NBEA: variants seen among roughly 807,000 people sequenced by gnomAD.
NBEA encodes neurobeachin.
Under a neutral mutation model 343.4 loss-of-function variants are expected in NBEA, and 44 were observed. The ratio of observed to expected loss-of-function variants is 0.13; its 90% CI spans 0.10 to 0.16. NBEA has a LOEUF of 0.16. Ranked by LOEUF, NBEA falls within the 10% of genes least tolerant of loss-of-function variation. The pLI is 1.00. For synonymous variants in NBEA, 1,175 were observed against 1,238.7 expected, an observed-to-expected ratio of 0.95 and a Z score of 1.08; for missense variants, 2,555 against 3,631.3, an observed-to-expected ratio of 0.70 and a Z score of 7.62.
intron 11 of NBEA, among the ~76,000 whole-genome samples, chr13:35,108,384 G>A (rs1253097964): frequency 1.3e-5 from 2 of 151,850 alleles, no homozygotes; most frequent in Non-Finnish European, 2.9e-5. Flanking sequence ...ATCTGAAATT[G>A]TATTCTAGTA....
chr13:35,355,333 T>C (rs912607844), intron 38 of NBEA, among the ~76,000 whole-genome samples: 2 of 152,172 alleles, frequency 1.3e-5, no homozygotes, highest in Non-Finnish European at 2.9e-5. Context: ...TATTAAAATG[T>C]AGATCCCTCT....
chr13:35,370,150 A>G (rs1227027690), intron 38 of NBEA, among the ~76,000 whole-genome samples: 1 of 151,956 alleles, frequency 6.6e-6, no homozygotes, highest in African/African-American at 2.4e-5. Context: ...CTGTTACTCA[A>G]CTGGAGTCTA....
intron 24 of NBEA, 71 bp downstream of exon 24, chr13:35,164,580 A>G (rs2069843105): frequency 6.8e-7 from 1 of 1,475,560 alleles, no homozygotes; most frequent in Non-Finnish European, 9.2e-7. Context: ...GTGGTGGTCT[A>G]GGCTATAAAC....
At chr13:34,988,342 A>G (rs1225566254) in intron 1 of NBEA, among the ~76,000 whole-genome samples, 2 of 151,074 alleles carry the variant, frequency 1.3e-5, no homozygotes, top group Non-Finnish European at 3.0e-5. Context: ...TCAGATAGGG[A>G]CGTTTAAGTC....
At chr13:35,153,536 A>G (rs1349267429) in intron 18 of NBEA, among the ~76,000 whole-genome samples, 2 of 152,232 alleles carry the variant, frequency 1.3e-5, no homozygotes, top group African/African-American at 4.8e-5. Flanking sequence ...GTTTCTGAGT[A>G]TATGTTTGTC....
rs549275529 is a variant in NBEA at position 35,312,418 on chromosome 13, T to C, written c.5903+2826T>C. Reference sequence around the variant, plus strand: ...CAGAGGACTAGCGGCAAGAGAATAGTGAGACATGTTACTGGAGAGCTATTT... The same window carrying C: ...CAGAGGACTAGCGGCAAGAGAATAGCGAGACATGTTACTGGAGAGCTATTT... On this transcript the variant is annotated intron_variant, in intron 36 of 58. Transcript: ENST00000379939. Among the ~76,000 whole-genome samples, 308 of 152,240 alleles carry C rather than the reference T, an allele frequency of 2.0e-3. 1 individual carries two copies. Among genetic ancestry groups the C allele is most frequent in the African/African-American group, 7.1e-3 (296 of 41,542 alleles).
intron 17 of NBEA, among the ~76,000 whole-genome samples, chr13:35,130,368 C>T (rs2067350481): frequency 6.6e-6 from 1 of 151,644 alleles, no homozygotes; most frequent in Non-Finnish European, 1.5e-5. Context: ...TTTTTTATGT[C>T]ATATATTTTT....
At chr13:35,036,555 C>T (rs555441304) in intron 1 of NBEA, among the ~76,000 whole-genome samples, 281 of 152,120 alleles carry the variant, frequency 1.8e-3, no homozygotes, top group Admixed American at 4.2e-3. Flanking sequence ...GATTGAAGTA[C>T]CCCCTTTAGC....
chr13:35,572,359 A>G (rs2080475785), intron 45 of NBEA, among the ~76,000 whole-genome samples: 1 of 152,214 alleles, frequency 6.6e-6, no homozygotes, highest in African/African-American at 2.4e-5. Context: ...CCCTCTGATA[A>G]GTGAAATAGT....
rs2061022789 is a variant in NBEA, at chr13:34,998,729, C to T, written c.295-42204C>T. ...ATTGCTGTTATCCTGTTCTTTTTTTCAAGATGCTCAGATTTCATATTGTTC... is the reference window on the plus strand; with the variant it reads ...ATTGCTGTTATCCTGTTCTTTTTTTTAAGATGCTCAGATTTCATATTGTTC... On this transcript the variant is annotated intron_variant, in intron 1 of 58. Transcript: ENST00000379939. Among the ~76,000 whole-genome samples the T allele has an allele frequency of 2.0e-5, 3 of 152,058 alleles. No homozygotes were observed. In the South Asian group the frequency reaches 6.2e-4, roughly 32 times the overall value.
intron 38 of NBEA, among the ~76,000 whole-genome samples, chr13:35,364,133 A>G (rs1047870325): frequency 4.6e-5 from 7 of 151,910 alleles, no homozygotes; most frequent in African/African-American, 1.7e-4. Flanking sequence ...TATCCAAAAC[A>G]TATTTCTCTT....
At chr13:35,129,277 T>C (rs1238981430) in intron 17 of NBEA, among the ~76,000 whole-genome samples, 2 of 152,088 alleles carry the variant, frequency 1.3e-5, no homozygotes, top group African/African-American at 4.8e-5. Flanking sequence ...TTTGATCTAC[T>C]AAAAACTTAG....
chr13:35,106,886 TA>T (rs1211469914), intron 11 of NBEA, among the ~76,000 whole-genome samples: 1 of 151,874 alleles, frequency 6.6e-6, no homozygotes, highest in Non-Finnish European at 1.5e-5. Flanking sequence ...GATATGTTTA[TA>T]ATGGTCAGCC....
At chr13:35,007,609 G>A (rs1566154543) in intron 1 of NBEA, among the ~76,000 whole-genome samples, 2 of 151,910 alleles carry the variant, frequency 1.3e-5, no homozygotes, top group African/African-American at 4.8e-5. Context: ...CTCCTGCAGC[G>A]GCCTCCTGAA....
chr13:35,306,105 T>A (rs750123156), intron 35 of NBEA, among the ~76,000 whole-genome samples: 18 of 152,158 alleles, frequency 1.2e-4, no homozygotes, highest in Non-Finnish European at 2.5e-4. Flanking sequence ...AGATTTACTT[T>A]CTTCCATCTT....
At chr13:35,646,192 C>A in intron 50 of NBEA, 67 bp from the exon 51 acceptor site, 1 of 1,235,660 alleles carries the variant, frequency 8.1e-7, no homozygotes, top group Non-Finnish European at 1.2e-6. Context: ...CTTGCGTTGT[C>A]AAAGAGTGTG....
At chr13:35,350,653 G>T (rs1179854205) in intron 37 of NBEA, among the ~76,000 whole-genome samples, 7 of 151,402 alleles carry the variant, frequency 4.6e-5, no homozygotes, top group African/African-American at 1.2e-4. Context: ...TATATTGCCA[G>T]TGTTATTTGA....
At chr13:35,363,649 A>G (rs2040938928) in intron 38 of NBEA, among the ~76,000 whole-genome samples, 1 of 151,818 alleles carries the variant, frequency 6.6e-6, no homozygotes, top group South Asian at 2.1e-4. Context: ...ATGAAGTGGA[A>G]ATTTTGCTTA....
chr13:34,967,504 G>T (rs1342586322), intron 1 of NBEA, among the ~76,000 whole-genome samples: 3 of 151,998 alleles, frequency 2.0e-5, no homozygotes, highest in Non-Finnish European at 4.4e-5. Flanking sequence ...AGGCTATAAT[G>T]ATTGAGACTG....
Sources: allele counts gnomAD v4.1 joint callset (sites outside exome capture counted in the v4.1 genomes callset), GRCh38; gene constraint gnomAD v4.1.1; transcripts MANE v1.5; gene names NCBI Gene and HGNC (gene_info 2026-07-23, HGNC 2026-07-21).